Variants in ZNF836 observed in about 807,000 individuals in gnomAD.
ZNF836 encodes the protein zinc finger protein 836.
Under a neutral mutation model 7.4 loss-of-function variants are expected in ZNF836, and 12 were observed. The ratio of observed to expected loss-of-function variants is 1.61; its 90% CI spans 1.03 to 2.61. The LOEUF (loss-of-function observed/expected upper bound fraction) is 2.61, where lower values mean the gene tolerates loss of function less well. Ranked by LOEUF, ZNF836 falls within the 30% of genes most tolerant of loss-of-function variation. ZNF836 has a pLI of 0.00. For missense variants in ZNF836, 998 were observed against 1,126.2 expected (o/e 0.89, Z 1.63); for synonymous variants, 365 against 382.6 (o/e 0.95, Z 0.54).
intron 3 of ZNF836, among the ~76,000 whole-genome samples, chr19:52,164,342 G>C (rs2089241535): frequency 6.7e-6 from 1 of 149,242 alleles, no homozygotes; most frequent in Non-Finnish European, 1.5e-5. Flanking sequence ...GCAGTGAGCT[G>C]AGATCGCACC....
At chr19:52,170,642 CT>C (rs1387448984) in intron 1 of ZNF836, among the ~76,000 whole-genome samples, 1 of 152,156 alleles carries the variant, frequency 6.6e-6, no homozygotes, top group Non-Finnish European at 1.5e-5. Flanking sequence ...TTTCCTCCCC[CT>C]GCTTCTTTCT....
rs766728946 is a variant in ZNF836, at chr19:52,155,122, C to A, written c.2561G>T (p.Arg854Ile). The A allele has an allele frequency of 1.3e-5, 21 of 1,614,136 alleles. No homozygotes were observed. The highest frequency in any genetic ancestry group is 1.1e-4 in the East Asian group (5 of 44,884). Residue 854 changes from arginine to isoleucine, a missense_variant, in exon 5 of 5, where the codon AGA becomes ATA. Coordinates refer to ENST00000682614, the MANE Select transcript of ZNF836 (RefSeq NM_001102657.3). ...GTATGGCTTCTCTCCAGTGTGATTTCTTTGATGGTACACCAGCTTTGACCT... is the reference window on the plus strand; with the variant it reads ...GTATGGCTTCTCTCCAGTGTGATTTATTTGATGGTACACCAGCTTTGACCT... ...IERSKLVYHQ[R>I]NHTGEKPYKC...
chr19:52,164,954 G>C (rs1292511047), intron 3 of ZNF836, among the ~76,000 whole-genome samples: 1 of 152,082 alleles, frequency 6.6e-6, no homozygotes, highest in Non-Finnish European at 1.5e-5. Context: ...GCTGGGTATG[G>C]TGGTGAGTGC....
In ZNF836 at chr19:52,155,500, C is replaced by G. The variant is rs2122201591; in HGVS notation, c.2183G>C (p.Gly728Ala). The G allele has an allele frequency of 6.2e-7, 1 of 1,613,984 alleles. No individual in the cohort carries two copies. The highest frequency in any genetic ancestry group is 1.1e-5 in the South Asian group (1 of 91,076). ...GCCTGTTATATGACTAAAAGTTCTA[C>G]CACAATGGCTACATTTGTGTGGTTT... ...GEKPHKCSHCGRTFSHITGLT... is the reference protein window; with the variant it reads ...GEKPHKCSHCARTFSHITGLT... The change falls in exon 5 of 5, where the codon GGT (glycine) becomes GCT (alanine). Residue 728 changes from glycine to alanine, a missense_variant. By Grantham distance (60) the Gly-to-Ala change is moderately conservative (BLOSUM62 0). Coordinates refer to ENST00000682614, the MANE Select transcript of ZNF836 (RefSeq NM_001102657.3).
rs763539033 is a variant in ZNF836, at chr19:52,156,982, A to G, written c.701T>C (p.Ile234Thr). The change falls in exon 5 of 5, where the codon ATT becomes ACT. Residue 234 changes from isoleucine (I) to threonine (T), a missense_variant. Physicochemically the swap from Ile to Thr is moderately conservative, Grantham distance 89. Coordinates refer to ENST00000682614, the MANE Select transcript of ZNF836 (RefSeq NM_001102657.3). Reference sequence around the variant, plus strand: ...TGTAGTATGTACCATCTGATGGTTAATAAGACTTGAAGACACTCTAAAGGC... The same window carrying G: ...TGTAGTATGTACCATCTGATGGTTAGTAAGACTTGAAGACACTCTAAAGGC... ...GKAFRVSSSL[I>T]NHQMVHTTEK... is the part of the protein sequence containing the mutation. The G allele has an allele frequency of 3.1e-6, 5 of 1,614,174 alleles. No homozygotes were observed. In the South Asian group the frequency reaches 5.5e-5, roughly 18 times the overall value.
rs1310461789 is a variant in ZNF836, at chr19:52,155,657, T to C, written c.2026A>G (p.Thr676Ala). 1.1e-5 allele frequency: 17 copies of C among 1,614,138 alleles called. No homozygotes were observed. The highest frequency in any genetic ancestry group is 1.4e-5 in the Non-Finnish European group (17 of 1,180,026). The change falls in exon 5 of 5, where the codon ACT becomes GCT. Residue 676 changes from threonine (T) to alanine (A), a missense_variant. Thr to Ala is a moderately conservative substitution (Grantham distance 58, BLOSUM62 0). Transcript: ENST00000682614. ...YKCNDCGKAYTQRSSLTKHLI... is the reference protein window; with the variant it reads ...YKCNDCGKAYAQRSSLTKHLI... ...TGTTTAGTGAGGCTTGAACGCTGAG[T>C]ATAGGCTTTGCCACAATCATTACAT...
Position 52,154,742 on chromosome 19 carries a change from T to C in ZNF836, c.*130A>G. ...GCAAAAAGCGGGTGGTGCTAAACCATTCTTGAGAAATCCACCCCTGTGATC... is the reference window on the plus strand; with the variant it reads ...GCAAAAAGCGGGTGGTGCTAAACCACTCTTGAGAAATCCACCCCTGTGATC... On this transcript the variant is annotated 3_prime_UTR_variant, in exon 5 of 5. Transcript: ENST00000682614. 1 of 818,104 alleles carries C rather than the reference T, an allele frequency of 1.2e-6. No individual in the cohort carries two copies. Among genetic ancestry groups the C allele is most frequent in the South Asian group, 2.2e-5 (1 of 45,406 alleles). The allele number at this position is 818,104 out of a possible 1,614,324, so 50.7% of individuals were successfully genotyped here.
Position 52,156,082 on chromosome 19 carries a change from A to G in ZNF836, c.1601T>C (p.Val534Ala), listed in dbSNP as rs779991027. ...TACAAGGCATGAATTTTCACTAAAGACCTTTCCACATTCACCGCATTGGTA... is the reference window on the plus strand; with the variant it reads ...TACAAGGCATGAATTTTCACTAAAGGCCTTTCCACATTCACCGCATTGGTA... ...KRYQCGECGK[V>A]FSENSCLVRH... The change falls in exon 5 of 5, where the codon GTC becomes GCC. Residue 534 changes from valine (V) to alanine (A), a missense_variant. Val to Ala is a moderately conservative substitution (Grantham distance 64). Transcript: ENST00000682614. The G allele has an allele frequency of 1.2e-6, 2 of 1,614,000 alleles. No homozygotes were observed. The highest frequency in any genetic ancestry group is 1.7e-6 in the Non-Finnish European group (2 of 1,179,910).
intron 3 of ZNF836, among the ~76,000 whole-genome samples, chr19:52,165,771 A>C (rs996798280): frequency 5.9e-5 from 9 of 152,198 alleles, no homozygotes; most frequent in African/African-American, 1.9e-4. Context: ...GAGATTTCTC[A>C]CTCATTTGAA....
chr19:52,170,397 C>A, intron 1 of ZNF836: 1 of 152,936 alleles, frequency 6.5e-6, no homozygotes. Context: ...CTAGCACCCC[C>A]AACTCCCTAG....
Position 52,156,255 on chromosome 19 carries a change from G to T in ZNF836, c.1428C>A (p.Gly476=). The change falls in exon 5 of 5, where the codon GGC becomes GGA. Residue 476 remains glycine, a synonymous_variant. Transcript: ENST00000682614. ...GATGTGAAGTCTGACTGAAGACCTT[G>T]CCACATTCATTGCATTTGTAAGGTT... The part of the protein sequence containing the change: ...GEKPYKCNEC[G]KVFSQTSHLV... The T allele has an allele frequency of 6.2e-7, 1 of 1,614,152 alleles. No homozygotes were observed. Among genetic ancestry groups the T allele is most frequent in the Non-Finnish European group, 8.5e-7 (1 of 1,180,026 alleles).
Position 52,155,900 on chromosome 19 carries a change from A to G in ZNF836, c.1783T>C (p.Ser595Pro). The change falls in exon 5 of 5, where the codon TCA becomes CCA. Residue 595 changes from serine to proline, a missense_variant. Transcript: ENST00000682614. The stretch of plus-strand genomic sequence containing the variant: ...ATTCTTAGATGACGTGCTAGGCATG[A>G]GTAGTTCCTGAAGACTGTGCCACAT... ...NECGTVFRNY[S>P]CLARHLRIHT... The G allele has an allele frequency of 6.2e-7, 1 of 1,613,984 alleles. No individual in the cohort carries two copies. The highest frequency in any genetic ancestry group is 2.2e-5 in the East Asian group (1 of 44,866).
In ZNF836 at chr19:52,156,154, C is replaced by A. The variant is rs1460794352; in HGVS notation, c.1529G>T (p.Gly510Val). The part of the protein sequence containing the change: ...CDKCGKAFKQ[G>V]SLLTRHKIIH... ...TATCTTATGTCGAGTGAGTAATGAG[C>A]CCTGTTTAAAGGCTTTACCACATTT... Residue 510 changes from glycine (G) to valine (V), a missense_variant, in exon 5 of 5, where the codon GGC becomes GTC. Coordinates refer to ENST00000682614, the MANE Select transcript of ZNF836 (RefSeq NM_001102657.3). 1 of 1,613,966 alleles carries A rather than the reference C, an allele frequency of 6.2e-7. No individual in the cohort carries two copies. The highest frequency in any genetic ancestry group is 8.5e-7 in the Non-Finnish European group (1 of 1,180,020).
chr19:52,155,313 T>C lies in ZNF836; in HGVS notation c.2370A>G (p.Gln790=). The C allele has an allele frequency of 1.9e-6, 3 of 1,613,146 alleles. No individual in the cohort carries two copies. The highest frequency in any genetic ancestry group is 2.5e-6 in the Non-Finnish European group (3 of 1,179,712). Residue 790 remains glutamine (Q), a synonymous_variant, in exon 5 of 5, where the codon CAA becomes CAG. Coordinates refer to ENST00000682614, the MANE Select transcript of ZNF836 (RefSeq NM_001102657.3). ...TACTCCGATGACGTGCTAGTGTTGA[T>C]TGATGACGAAAGACCTTGCCACATT... ...CNECGKVFRH[Q]STLARHRSIH...
rs1272286531 is a variant in ZNF836, at chr19:52,156,937, T to C, written c.746A>G (p.Asn249Ser). ...CCGATGAAAGGCTTTGCCACATTCATTGCATTTGTAAGGTTTCTCTGTAGT... is the reference window on the plus strand; with the variant it reads ...CCGATGAAAGGCTTTGCCACATTCACTGCATTTGTAAGGTTTCTCTGTAGT... ...VHTTEKPYKCNECGKAFHRGS... is the reference protein window; with the variant it reads ...VHTTEKPYKCSECGKAFHRGS... Residue 249 changes from asparagine to serine, a missense_variant, in exon 5 of 5, where the codon AAT becomes AGT. Asn to Ser is a conservative substitution (Grantham distance 46). Coordinates refer to ENST00000682614, the MANE Select transcript of ZNF836 (RefSeq NM_001102657.3). The C allele has an allele frequency of 6.2e-7, 1 of 1,614,088 alleles. No individual in the cohort carries two copies. The highest frequency in any genetic ancestry group is 8.5e-7 in the Non-Finnish European group (1 of 1,180,040).
chr19:52,164,961 G>A lies in ZNF836; in HGVS notation c.15+3097C>T, dbSNP rs78267426. Among the ~76,000 whole-genome samples the A allele has an allele frequency of 3.4e-3, 516 of 152,220 alleles. 2 individuals are homozygous for A. Among genetic ancestry groups the A allele is most frequent in the African/African-American group, 0.012 (501 of 41,530 alleles). ...AAAAATTAGCTGGGTATGGTGGTGA[G>A]TGCCAATAGTCCCAGCTGCTCAGGA... On this transcript the variant is annotated intron_variant, in intron 3 of 4. Transcript: ENST00000682614.
Position 52,154,343 on chromosome 19 carries a change from C to A in ZNF836, c.*529G>T, listed in dbSNP as rs1397591393. ...GGGATTACAGGCATGACCCACCATG[C>A]CTAACGTGCCATACACTTTTAACCA... On this transcript the variant is annotated 3_prime_UTR_variant, in exon 5 of 5. Coordinates refer to ENST00000682614, the MANE Select transcript of ZNF836 (RefSeq NM_001102657.3). Among the ~76,000 whole-genome samples, 1 of 152,104 alleles carries A rather than the reference C, an allele frequency of 6.6e-6. No homozygotes were observed. The highest frequency in any genetic ancestry group is 2.1e-4 in the South Asian group (1 of 4,822).
At chr19:52,158,946 C>T (rs957086228) in intron 4 of ZNF836, among the ~76,000 whole-genome samples, 1 of 152,008 alleles carries the variant, frequency 6.6e-6, no homozygotes, top group South Asian at 2.1e-4. Flanking sequence ...ATTTCAGGAA[C>T]GGAATAGGAA....
rs148161947 is a variant in ZNF836 at position 52,164,125 on chromosome 19, T to C, written c.16-3534A>G. ...GAGAGTAATGGCCGGGTGCAGTGGC[T>C]CACGACCTGTAATCCCAGCACTTTG... On this transcript the variant is annotated intron_variant, in intron 3 of 4. Coordinates refer to ENST00000682614, the MANE Select transcript of ZNF836 (RefSeq NM_001102657.3). Among the ~76,000 whole-genome samples, 90 of 151,470 alleles carry C rather than the reference T, an allele frequency of 5.9e-4. 1 individual carries two copies. The highest frequency in any genetic ancestry group is 2.2e-3 in the East Asian group (11 of 5,046).
Sources: gnomAD v4.1 joint callset for allele counts (sites outside exome capture counted in the v4.1 genomes callset) on GRCh38, gnomAD v4.1.1 for gene constraint, MANE v1.5 for transcripts, NCBI Gene and HGNC (gene_info 2026-07-23, HGNC 2026-07-21) for gene names.